Variants in TRIM15 observed in about 807,000 individuals in gnomAD.
TRIM15 encodes the protein E3 ubiquitin-protein ligase TRIM15.
Under a neutral mutation model 35.8 loss-of-function variants are expected in TRIM15, and 35 were observed. That is an observed-to-expected ratio of 0.98 (90% CI 0.75 to 1.30). The LOEUF (loss-of-function observed/expected upper bound fraction) is 1.30, where lower values mean the gene tolerates loss of function less well. Among genes scored for constraint, TRIM15 ranks in the 50% most tolerant of loss-of-function variants. The pLI, the probability that TRIM15 is intolerant of heterozygous loss-of-function variation, is 0.00. For synonymous variants in TRIM15, 252 were observed against 249.8 expected (o/e 1.01, Z -0.08); for missense variants, 590 against 593.5 (o/e 0.99, Z 0.06).
intron 1 of TRIM15, among the ~76,000 whole-genome samples, chr6:30,164,433 G>T: frequency 6.6e-6 from 1 of 152,134 alleles, no homozygotes; most frequent in Non-Finnish European, 1.5e-5. Context: ...GGTTTATAGG[G>T]CCCTGACTGC....
chr6:30,171,107 G>C, intron 6 of TRIM15, 99 bp downstream of exon 6: 1 of 1,364,764 alleles, frequency 7.3e-7, no homozygotes, highest in Non-Finnish European at 1.0e-6. Flanking sequence ...GAGCTTGATT[G>C]CTTGAGTTCT....
intron 2 of TRIM15, 59 bp from the exon 3 acceptor site, chr6:30,168,241 C>A: frequency 6.9e-7 from 1 of 1,439,414 alleles, no homozygotes; most frequent in Non-Finnish European, 9.5e-7. Flanking sequence ...TATAGATGAT[C>A]ATCCTGGAAG....
chr6:30,163,866 A>G lies in TRIM15; in HGVS notation c.182A>G (p.Gln61Arg), dbSNP rs749672185. The G allele has an allele frequency of 7.4e-6, 12 of 1,612,962 alleles. No individual in the cohort carries two copies. In the South Asian group the frequency reaches 7.7e-5, roughly 10 times the overall value. Residue 61 changes from glutamine (Q) to arginine (R), a missense_variant, in exon 1 of 7, where the codon CAA becomes CGA. Transcript: ENST00000376694. Reference protein sequence around the residue: ...SGKILLCPLCQEEEQAETPMA... With the variant: ...SGKILLCPLCREEEQAETPMA... Reference sequence around the variant, plus strand: ...AAGATCCTGCTCTGCCCGCTCTGCCAAGAGGAGGAGCAGGCAGAGACTCCC... The same window carrying G: ...AAGATCCTGCTCTGCCCGCTCTGCCGAGAGGAGGAGCAGGCAGAGACTCCC...
At position 30,170,321 on chromosome 6, in the gene TRIM15, T is replaced by C. The variant is rs576960845; in HGVS notation, c.732-180T>C. 4.5e-5 allele frequency: 26 copies of C among 574,850 alleles called. 1 individual carries two copies. The highest frequency in any genetic ancestry group is 3.4e-4 in the African/African-American group (18 of 53,546). 35.6% of individuals were successfully genotyped at this position (574,850 alleles called of 1,614,324 possible). A position where few individuals can be genotyped will look rare whatever the true frequency, so the allele number is the denominator to read the frequency against. ...ATCCTTAGTTCCTCTTAGGTTTAAC[T>C]GAAATGCCTACTATTTTAGTAACTA... On this transcript the variant is annotated intron_variant, in intron 4 of 6. Coordinates refer to ENST00000376694, the MANE Select transcript of TRIM15 (RefSeq NM_033229.3).
chr6:30,172,127 G>A lies in TRIM15; in HGVS notation c.1176G>A (p.Ser392=). Residue 392 remains serine (S), a synonymous_variant, in exon 7 of 7, where the codon TCG becomes TCA. Coordinates refer to ENST00000376694, the MANE Select transcript of TRIM15 (RefSeq NM_033229.3). ...AEDGVWAVII[S]HQQCWASTSP... ...ACGGCGTCTGGGCCGTGATCATCTCGCACCAGCAGTGCTGGGCCAGCACCT... is the reference window on the plus strand; with the variant it reads ...ACGGCGTCTGGGCCGTGATCATCTCACACCAGCAGTGCTGGGCCAGCACCT... 6.3e-7 allele frequency: 1 copy of A among 1,583,388 alleles called. No individual in the cohort carries two copies. The highest frequency in any genetic ancestry group is 8.6e-7 in the Non-Finnish European group (1 of 1,165,136).
intron 1 of TRIM15, among the ~76,000 whole-genome samples, chr6:30,165,943 T>C (rs1160548572): frequency 2.0e-5 from 3 of 152,244 alleles, no homozygotes; most frequent in Non-Finnish European, 2.9e-5. Flanking sequence ...TACTTTTTGA[T>C]GGGGCTGTTT....
intron 2 of TRIM15, among the ~76,000 whole-genome samples, chr6:30,167,474 A>G (rs1379183809): frequency 6.6e-6 from 1 of 152,248 alleles, no homozygotes; most frequent in Non-Finnish European, 1.5e-5. Flanking sequence ...TCCAAGATCC[A>G]TCTTGTATAT....
At chr6:30,165,760 ATC>A (rs1475604337) in intron 1 of TRIM15, among the ~76,000 whole-genome samples, 2 of 152,212 alleles carry the variant, frequency 1.3e-5, no homozygotes, top group African/African-American at 4.8e-5. Flanking sequence ...CATCTCCAGC[ATC>A]TGTTATTTCC....
chr6:30,163,743 C>T lies in TRIM15; in HGVS notation c.59C>T (p.Ala20Val). Residue 20 changes from alanine (A) to valine (V), a missense_variant, in exon 1 of 7, where the codon GCG (alanine) becomes GTG (valine). Physicochemically the swap from Ala to Val is moderately conservative, Grantham distance 64. Coordinates refer to ENST00000376694, the MANE Select transcript of TRIM15 (RefSeq NM_033229.3). ...GAGCTGCCTGCCTGTACCCTCTGTGCGGGGCCGCTGGAGGATGCGGTGACC... is the reference window on the plus strand; with the variant it reads ...GAGCTGCCTGCCTGTACCCTCTGTGTGGGGCCGCTGGAGGATGCGGTGACC... The part of the protein sequence containing the change: ...VHELPACTLC[A>V]GPLEDAVTIP... The T allele has an allele frequency of 1.9e-6, 3 of 1,612,864 alleles. No homozygotes were observed. Among genetic ancestry groups the T allele is most frequent in the East Asian group, 2.2e-5 (1 of 44,868 alleles).
intron 4 of TRIM15, 29 bp from the exon 5 acceptor site, chr6:30,170,472 A>G (rs757041400): frequency 1.3e-6 from 2 of 1,527,254 alleles, no homozygotes; most frequent in South Asian, 1.1e-5. Context: ...TGGAATTTGG[A>G]CCTAACTGGT....
chr6:30,167,920 C>T (rs1773725942), intron 2 of TRIM15, among the ~76,000 whole-genome samples: 1 of 152,200 alleles, frequency 6.6e-6, no homozygotes, highest in Non-Finnish European at 1.5e-5. Context: ...TACACACTCT[C>T]CCACTAAGTT....
chr6:30,163,810 G>A lies in TRIM15; in HGVS notation c.126G>A (p.Ala42=), dbSNP rs769109289. The change falls in exon 1 of 7, where the codon GCG becomes GCA. Residue 42 remains alanine (A), a synonymous_variant. Transcript: ENST00000376694. ...GHTFCRLCLP[A]LSQMGAQSSG... ...CCTTCTGCCGGCTCTGCCTCCCCGC[G>A]CTCTCCCAGATGGGGGCCCAATCCT... is the stretch of plus-strand genomic sequence containing the variant. The A allele has an allele frequency of 1.9e-6, 3 of 1,612,868 alleles. No individual in the cohort carries two copies. Among genetic ancestry groups the A allele is most frequent in the Non-Finnish European group, 2.5e-6 (3 of 1,180,024 alleles).
At chr6:30,167,786 G>A (rs1773713853) in intron 2 of TRIM15, among the ~76,000 whole-genome samples, 1 of 152,328 alleles carries the variant, frequency 6.6e-6, no homozygotes, top group Non-Finnish European at 1.5e-5. Flanking sequence ...AGGAATCACA[G>A]TGTGAGGATT....
intron 6 of TRIM15, 79 bp downstream of exon 6, chr6:30,171,087 A>G: frequency 6.7e-7 from 1 of 1,489,808 alleles, no homozygotes. Flanking sequence ...AATAAAATGC[A>G]TGAATTCTGG....
chr6:30,169,121 G>A, intron 3 of TRIM15, 120 bp from the exon 4 acceptor site: 2 of 1,204,536 alleles, frequency 1.7e-6, no homozygotes, highest in East Asian at 2.3e-5. Flanking sequence ...TAATTAAACA[G>A]GACAACTCTC....
At position 30,163,811 on chromosome 6, in the gene TRIM15, C is replaced by A; in HGVS notation, c.127C>A (p.Leu43Ile). ...CTTCTGCCGGCTCTGCCTCCCCGCG[C>A]TCTCCCAGATGGGGGCCCAATCCTC... ...HTFCRLCLPA[L>I]SQMGAQSSGK... The change falls in exon 1 of 7, where the codon CTC becomes ATC. Residue 43 changes from leucine to isoleucine, a missense_variant. Leu to Ile is a conservative substitution (Grantham distance 5). Coordinates refer to ENST00000376694, the MANE Select transcript of TRIM15 (RefSeq NM_033229.3). 2 of 1,613,050 alleles carry A rather than the reference C, an allele frequency of 1.2e-6. No homozygotes were observed. Among genetic ancestry groups the A allele is most frequent in the East Asian group, 2.2e-5 (1 of 44,870 alleles).
chr6:30,168,557 G>A (rs1773781443), intron 3 of TRIM15, 27 bp downstream of exon 3: 1 of 1,552,620 alleles, frequency 6.4e-7, no homozygotes, highest in East Asian at 2.4e-5. Context: ...CACTTTGTAG[G>A]ATAAGAGAGG....
intron 4 of TRIM15, 182 bp downstream of exon 4, chr6:30,169,445 A>G: frequency 1.4e-6 from 1 of 735,828 alleles, no homozygotes; most frequent in Non-Finnish European, 2.4e-6. Flanking sequence ...CTAAAGGTTC[A>G]TTTTTAAATT....
In TRIM15 at chr6:30,168,288, T is replaced by C. The variant is rs1176525976; in HGVS notation, c.478-12T>C. On this transcript the variant is annotated splice_polypyrimidine_tract_variant and intron_variant, in intron 2 of 6. Transcript: ENST00000376694. Reference sequence around the variant, plus strand: ...CCCCTTCCTAACCATGTCTGCCTTTTATCCCTTGAAGACTCAGATCGAAAG... The same window carrying C: ...CCCCTTCCTAACCATGTCTGCCTTTCATCCCTTGAAGACTCAGATCGAAAG... 2.5e-6 allele frequency: 4 copies of C among 1,609,854 alleles called. No homozygotes were observed. Among genetic ancestry groups the C allele is most frequent in the East Asian group, 4.5e-5 (2 of 44,838 alleles).
Sources: gnomAD v4.1 joint callset for allele counts (sites outside exome capture counted in the v4.1 genomes callset) on GRCh38, gnomAD v4.1.1 for gene constraint, MANE v1.5 for transcripts, NCBI Gene and HGNC (gene_info 2026-07-23, HGNC 2026-07-21) for gene names.